The following ZSWIM5 variants were observed in gnomAD, a reference collection of about 807,000 sequenced individuals.
ZSWIM5 encodes the protein zinc finger SWIM domain-containing protein 5.
In ZSWIM5, 55 loss-of-function variants were observed where a neutral mutation model predicts 119.6. That is an observed-to-expected ratio of 0.46 (90% CI 0.37 to 0.58). ZSWIM5 has a LOEUF of 0.58. Among genes scored for constraint, ZSWIM5 ranks in the 20% least tolerant of loss-of-function variants. ZSWIM5 has a pLI of 0.00. For missense variants in ZSWIM5, 1,193 were observed against 1,512.8 expected, an observed-to-expected ratio of 0.79 and a Z score of 3.51; for synonymous variants, 537 against 606.9, an observed-to-expected ratio of 0.88 and a Z score of 1.69.
intron 1 of ZSWIM5, among the ~76,000 whole-genome samples, chr1:45,106,381 A>G (rs552209719): frequency 5.8e-3 from 305 of 52,326 alleles, no homozygotes; most frequent in Admixed American, 7.6e-3. Flanking sequence ...CTGCCCGGCC[A>G]CCCCATCTGG....
At chr1:45,021,527 G>A (rs1274967679) in intron 11 of ZSWIM5, among the ~76,000 whole-genome samples, 1 of 152,160 alleles carries the variant, frequency 6.6e-6, no homozygotes, top group African/African-American at 2.4e-5. Flanking sequence ...TGAGGTGAAG[G>A]TTGCTGGATG....
intron 1 of ZSWIM5, among the ~76,000 whole-genome samples, chr1:45,160,161 T>C (rs1275071312): frequency 7.5e-6 from 1 of 133,842 alleles, no homozygotes; most frequent in East Asian, 2.4e-4. Flanking sequence ...ATATATATAC[T>C]TTTTTTGTTG....
intron 1 of ZSWIM5, among the ~76,000 whole-genome samples, chr1:45,190,296 G>C (rs1159930012): frequency 6.6e-6 from 1 of 152,086 alleles, no homozygotes; most frequent in African/African-American, 2.4e-5. Flanking sequence ...CTGTATTCCA[G>C]CCTGGGTGAC....
At chr1:45,084,202 G>A (rs1031036338) in intron 2 of ZSWIM5, among the ~76,000 whole-genome samples, 3 of 152,064 alleles carry the variant, frequency 2.0e-5, no homozygotes, top group South Asian at 2.1e-4. Flanking sequence ...GAGCCTCTGC[G>A]CCTGGCCTAC....
At chr1:45,150,937 C>A (rs987639440) in intron 1 of ZSWIM5, among the ~76,000 whole-genome samples, 2 of 152,184 alleles carry the variant, frequency 1.3e-5, no homozygotes, top group African/African-American at 2.4e-5. Context: ...ACCCAGGATT[C>A]TCTGTAATTC....
In ZSWIM5 at chr1:45,018,554, T is replaced by C. The variant is rs140762225; in HGVS notation, c.3458A>G (p.Gln1153Arg). Reference sequence around the variant, plus strand: ...CTGGGCAAACTGCAGGTGGCCATCCTGGGGCAGCAGGAAGGTCTCCCGAGC... The same window carrying C: ...CTGGGCAAACTGCAGGTGGCCATCCCGGGGCAGCAGGAAGGTCTCCCGAGC... Reference protein sequence around the residue: ...SKARETFLLPQDGHLQFAQFI... With the variant: ...SKARETFLLPRDGHLQFAQFI... Residue 1153 changes from glutamine to arginine, a missense_variant, in exon 14 of 14, where the codon CAG becomes CGG. Gln to Arg is a conservative substitution (Grantham distance 43). This residue lies in a region of ZSWIM5 where 961 missense variants were observed against 1,290.0 expected (regional missense o/e 0.74). Coordinates refer to ENST00000359600, the MANE Select transcript of ZSWIM5 (RefSeq NM_020883.2). The surrounding 1 kb of genome is among the most constrained non-coding windows in gnomAD (Gnocchi z 6.7). The C allele has an allele frequency of 1.2e-6, 2 of 1,614,190 alleles. No individual in the cohort carries two copies. The highest frequency in any genetic ancestry group is 1.3e-5 in the African/African-American group (1 of 75,042).
intron 1 of ZSWIM5, among the ~76,000 whole-genome samples, chr1:45,154,947 T>C (rs1645818331): frequency 6.6e-6 from 1 of 151,948 alleles, no homozygotes; most frequent in African/African-American, 2.4e-5. Context: ...CTATAAAAAT[T>C]CTAGAAGACA....
intron 2 of ZSWIM5, among the ~76,000 whole-genome samples, chr1:45,067,448 AAAAAAAG>A (rs1481388070): frequency 5.1e-3 from 419 of 82,108 alleles, no homozygotes; most frequent in South Asian, 0.02. Flanking sequence ...TCAAAAAAAA[AAAAAAAG>A]AAAGAAAGAA....
intron 1 of ZSWIM5, among the ~76,000 whole-genome samples, chr1:45,138,340 A>C (rs1645702132): frequency 2.0e-5 from 3 of 151,876 alleles, no homozygotes; most frequent in Admixed American, 2.0e-4. Flanking sequence ...CCCCATGTCT[A>C]CTAAAAATAC....
chr1:45,168,711 A>C (rs918385588), intron 1 of ZSWIM5, among the ~76,000 whole-genome samples: 1 of 150,000 alleles, frequency 6.7e-6, no homozygotes, highest in Non-Finnish European at 1.5e-5. Context: ...TTTTTTTCCT[A>C]CATGGGAGTT....
At chr1:45,138,200 AT>A (rs1288888347) in intron 1 of ZSWIM5, among the ~76,000 whole-genome samples, 1 of 151,972 alleles carries the variant, frequency 6.6e-6, no homozygotes, top group Non-Finnish European at 1.5e-5. Context: ...ATTGATGAAA[AT>A]TTTTTAAAAA....
chr1:45,161,163 A>G (rs891234568), intron 1 of ZSWIM5, among the ~76,000 whole-genome samples: 3 of 151,912 alleles, frequency 2.0e-5, no homozygotes, highest in Non-Finnish European at 4.4e-5. Context: ...CTGTAGGTGG[A>G]CACTTGGGTT....
At position 45,018,757 on chromosome 1, in the gene ZSWIM5, T is replaced by G. The variant is rs1402898064; in HGVS notation, c.3255A>C (p.Ala1085=). 1.9e-6 allele frequency: 3 copies of G among 1,614,226 alleles called. No individual in the cohort carries two copies. The highest frequency in any genetic ancestry group is 2.5e-6 in the Non-Finnish European group (3 of 1,180,038). The change falls in exon 14 of 14, where the codon GCA becomes GCC. Residue 1085 remains alanine, a synonymous_variant. Transcript: ENST00000359600. The surrounding 1 kb of genome is among the most constrained non-coding windows in gnomAD (Gnocchi z 6.7). ...GGCCTGGGATGCCGGCCAGGCCAGG[T>G]GCAGTCACTGTGCAGCGTCGTAAGA... The part of the protein sequence containing the change: ...SDILRRCTVT[A]PGLAGIPGRR...
chr1:45,032,652 A>AT (rs1465163482), intron 11 of ZSWIM5, among the ~76,000 whole-genome samples: 1 of 151,298 alleles, frequency 6.6e-6, no homozygotes, highest in Non-Finnish European at 1.5e-5. Context: ...CGCCCAGCTA[A>AT]TTTTTGTATT....
chr1:45,184,823 C>T (rs1279686127), intron 1 of ZSWIM5, among the ~76,000 whole-genome samples: 3 of 151,868 alleles, frequency 2.0e-5, no homozygotes, highest in Non-Finnish European at 1.5e-5. Context: ...GGCCATACTG[C>T]CCAAGGTAAT....
At chr1:45,047,016 T>C (rs1395158269) in intron 5 of ZSWIM5, among the ~76,000 whole-genome samples, 2 of 42,286 alleles carry the variant, frequency 4.7e-5, no homozygotes, top group Admixed American at 2.9e-4. Flanking sequence ...GAACTCTGTC[T>C]CAAAAAAAAA....
chr1:45,033,540 T>C (rs1644965043), intron 11 of ZSWIM5, among the ~76,000 whole-genome samples: 1 of 152,120 alleles, frequency 6.6e-6, no homozygotes, highest in African/African-American at 2.4e-5. Flanking sequence ...GCTAACAGGA[T>C]GTATGTGAGC....
Position 45,131,997 on chromosome 1 carries a change from C to T in ZSWIM5, c.596-43760G>A, listed in dbSNP as rs939585515. 7.3e-5 allele frequency among the ~76,000 whole-genome samples: 11 copies of T among 150,446 alleles called. No homozygotes were observed. The South Asian group carries it at 1.2e-3, about 17-fold the overall frequency. On this transcript the variant is annotated intron_variant, in intron 1 of 13. Coordinates refer to ENST00000359600, the MANE Select transcript of ZSWIM5 (RefSeq NM_020883.2). ...GTCTCACTGAATAACTGAAACTTGA[C>T]GGATACTAAGGAGTTGATCAGGTAT...
chr1:45,078,994 A>C (rs533007088), intron 2 of ZSWIM5, among the ~76,000 whole-genome samples: 70 of 152,318 alleles, frequency 4.6e-4, no homozygotes, highest in African/African-American at 1.7e-3. Flanking sequence ...AGAATCACAA[A>C]AGAAGTGAAA....
Sources: gnomAD v4.1 joint callset for allele counts (sites outside exome capture counted in the v4.1 genomes callset) on GRCh38, gnomAD v4.1.1 for gene constraint, gnomAD v4.1.1 regional missense constraint, Gnocchi (gnomAD v3.1) non-coding constraint, MANE v1.5 for transcripts, NCBI Gene and HGNC (gene_info 2026-07-23, HGNC 2026-07-21) for gene names.